CNKSR2: variants seen among roughly 807,000 people sequenced by gnomAD.
The protein encoded by CNKSR2 is connector enhancer of kinase suppressor of Ras 2.
CNKSR2 carries 14 observed loss-of-function variants against 84.4 expected under a neutral mutation model. The ratio of observed to expected loss-of-function variants is 0.17; its 90% CI spans 0.11 to 0.26. The LOEUF (loss-of-function observed/expected upper bound fraction) is 0.26. Ranked by LOEUF, CNKSR2 falls within the 10% of genes least tolerant of loss-of-function variation. The probability of loss-of-function intolerance (pLI) is 1.00; values close to 1 mark genes in which losing one functional copy is unlikely to be tolerated. For missense variants in CNKSR2, 485 were observed against 771.2 expected (o/e 0.63, Z 4.40); for synonymous variants, 275 against 277.9 (o/e 0.99, Z 0.10).
At chrX:21,415,833 TACACACACACAC>T (rs559013925) in intron 1 of CNKSR2, among the ~76,000 whole-genome samples, 148 of 88,190 alleles carry the variant, frequency 1.7e-3, no homozygotes, top group Middle Eastern at 5.5e-3. Flanking sequence ...TATACATATA[TACACACACACAC>T]ACACACACAC....
intron 4 of CNKSR2, among the ~76,000 whole-genome samples, chrX:21,467,545 A>G (rs1487690877): frequency 8.9e-6 from 1 of 111,797 alleles, no homozygotes; most frequent in Non-Finnish European, 1.9e-5. Flanking sequence ...ACACTAATCA[A>G]GAGTATCCCA....
At chrX:21,569,451 G>T (rs1477307393) in intron 13 of CNKSR2, among the ~76,000 whole-genome samples, 2 of 111,861 alleles carry the variant, frequency 1.8e-5, no homozygotes, top group African/African-American at 3.2e-5. Context: ...TTGGGGTCAG[G>T]CTCTACTTCC....
chrX:21,547,191 A>G (rs1257032471), intron 11 of CNKSR2, among the ~76,000 whole-genome samples: 1 of 111,511 alleles, frequency 9.0e-6, no homozygotes, highest in East Asian at 2.8e-4. Flanking sequence ...CCCATCTGAC[A>G]TGCAAAGACA....
At position 21,599,804 on chromosome X, in the gene CNKSR2, T is replaced by C. The variant is rs772383811; in HGVS notation, c.1977-1478T>C. Among the ~76,000 whole-genome samples, 5 of 112,056 alleles carry C rather than the reference T, an allele frequency of 4.5e-5. No individual in the cohort carries two copies. In the South Asian group the frequency reaches 1.9e-3, roughly 42 times the overall value. On this transcript the variant is annotated intron_variant, in intron 17 of 21. Transcript: ENST00000379510. ...CCCAAGAGTGGTAAGATATGCCTTGTGGTACAAATTTAACCCCTTTTTCAC... is the reference window on the plus strand; with the variant it reads ...CCCAAGAGTGGTAAGATATGCCTTGCGGTACAAATTTAACCCCTTTTTCAC...
chrX:21,598,892 C>A (rs761358317), intron 17 of CNKSR2, among the ~76,000 whole-genome samples: 1 of 112,366 alleles, frequency 8.9e-6, no homozygotes, highest in East Asian at 2.8e-4. Flanking sequence ...TTCATAATAA[C>A]CTAAAATATT....
At chrX:21,433,698 C>T (rs971888309) in intron 3 of CNKSR2, among the ~76,000 whole-genome samples, 1 of 103,217 alleles carries the variant, frequency 9.7e-6, no homozygotes, top group Non-Finnish European at 2.0e-5. Flanking sequence ...ACACACACGC[C>T]AGTATTACAT....
chrX:21,530,287 T>C (rs191483521), intron 10 of CNKSR2, among the ~76,000 whole-genome samples: 2 of 111,501 alleles, frequency 1.8e-5, no homozygotes, highest in African/African-American at 6.5e-5. Context: ...TTGTGATGGG[T>C]TAAACAGATA....
intron 11 of CNKSR2, among the ~76,000 whole-genome samples, chrX:21,542,849 C>T (rs978378643): frequency 1.8e-5 from 2 of 111,851 alleles, no homozygotes; most frequent in Admixed American, 9.5e-5. Context: ...TATTGAAAAT[C>T]CAGGACCTCA....
In CNKSR2 at chrX:21,420,187, C is replaced by G. The variant is rs1453209702; in HGVS notation, c.65-6310C>G. On this transcript the variant is annotated intron_variant, in intron 1 of 21. Transcript: ENST00000379510. ...CCCCATGGCCACTGTCACCACAAAACCATGGTAAGTAGTGCCAAACTACCA... is the reference window on the plus strand; with the variant it reads ...CCCCATGGCCACTGTCACCACAAAAGCATGGTAAGTAGTGCCAAACTACCA... Among the ~76,000 whole-genome samples the G allele has an allele frequency of 8.0e-5, 9 of 112,654 alleles. No homozygotes were observed. The Admixed American group carries it at 8.4e-4, about 11-fold the overall frequency.
chrX:21,500,692 A>G (rs2091550503), intron 7 of CNKSR2, among the ~76,000 whole-genome samples: 1 of 111,410 alleles, frequency 9.0e-6, no homozygotes, highest in Non-Finnish European at 1.9e-5. Flanking sequence ...AAAACTCCTT[A>G]AAACTTGTCA....
At chrX:21,489,341 A>G (rs1308560262) in intron 5 of CNKSR2, among the ~76,000 whole-genome samples, 2 of 111,737 alleles carry the variant, frequency 1.8e-5, no homozygotes, top group African/African-American at 3.3e-5. Context: ...AACACTGTCT[A>G]CCTCACAGTA....
intron 9 of CNKSR2, among the ~76,000 whole-genome samples, chrX:21,523,806 A>G (rs893875821): frequency 1.8e-5 from 2 of 110,560 alleles, no homozygotes; most frequent in Non-Finnish European, 1.9e-5. Flanking sequence ...TAATTGCATC[A>G]TTTATTCTGT....
At chrX:21,377,876 A>G (rs2089841369) in intron 1 of CNKSR2, among the ~76,000 whole-genome samples, 1 of 111,507 alleles carries the variant, frequency 9.0e-6, no homozygotes, top group African/African-American at 3.3e-5. Context: ...ATGAGGGACA[A>G]TTTTTACATT....
At chrX:21,534,254 A>G (rs1411685472) in intron 11 of CNKSR2, among the ~76,000 whole-genome samples, 2 of 110,615 alleles carry the variant, frequency 1.8e-5, no homozygotes, top group East Asian at 5.6e-4. Flanking sequence ...GTTGCAGCAA[A>G]TGATAAGATT....
intron 17 of CNKSR2, among the ~76,000 whole-genome samples, chrX:21,599,293 C>T (rs1261164529): frequency 9.4e-6 from 1 of 106,332 alleles, no homozygotes; most frequent in Non-Finnish European, 1.9e-5. Context: ...CCTCTTTGTT[C>T]TTTACATTTC....
At chrX:21,541,132 G>A (rs780374787) in intron 11 of CNKSR2, among the ~76,000 whole-genome samples, 22 of 109,855 alleles carry the variant, frequency 2.0e-4, no homozygotes, top group Admixed American at 1.7e-3. Context: ...ACAGATGCAC[G>A]CCACCACGCC....
intron 11 of CNKSR2, among the ~76,000 whole-genome samples, chrX:21,561,005 T>C (rs1326164226): frequency 9.1e-6 from 1 of 110,352 alleles, no homozygotes; most frequent in African/African-American, 3.3e-5. Flanking sequence ...GCAGCGAAGA[T>C]AAAAAGTTAT....
At chrX:21,570,767 C>T (rs750760782) in intron 13 of CNKSR2, among the ~76,000 whole-genome samples, 3 of 112,173 alleles carry the variant, frequency 2.7e-5, no homozygotes, top group African/African-American at 9.7e-5. Context: ...GAAAAGAGAT[C>T]GGAGAACAGC....
chrX:21,544,507 C>T (rs1214680121), intron 11 of CNKSR2, among the ~76,000 whole-genome samples: 2 of 111,538 alleles, frequency 1.8e-5, no homozygotes, highest in Admixed American at 1.9e-4. Context: ...AGAAATTAAA[C>T]CTAGGAAGAA....
Sources: gnomAD v4.1 joint callset for allele counts (sites outside exome capture counted in the v4.1 genomes callset) on GRCh38, gnomAD v4.1.1 for gene constraint, MANE v1.5 for transcripts, NCBI Gene and HGNC (gene_info 2026-07-23, HGNC 2026-07-21) for gene names.